Variants in VTI1A observed in about 807,000 individuals in gnomAD.
VTI1A encodes the protein vesicle transport through interaction with t-SNAREs homolog 1A.
A neutral mutation model predicts 34.9 loss-of-function variants in VTI1A; 22 were observed. That is an observed-to-expected ratio of 0.63 (90% confidence interval 0.45 to 0.90). The LOEUF (loss-of-function observed/expected upper bound fraction) is 0.90. VTI1A is among the 40% of genes least tolerant of loss of function. VTI1A has a pLI of 0.00. For missense variants in VTI1A, 268 were observed against 275.6 expected (o/e 0.97, Z 0.20); for synonymous variants, 87 against 97.3 (o/e 0.89, Z 0.62).
chr10:112,645,599 C>T (rs1019065917), intron 5 of VTI1A, among the ~76,000 whole-genome samples: 2 of 152,148 alleles, frequency 1.3e-5, no homozygotes, highest in African/African-American at 2.4e-5. Flanking sequence ...AGTGAAGAAG[C>T]CTAGGTTCTA....
chr10:112,593,987 G>A (rs532228645), intron 5 of VTI1A, among the ~76,000 whole-genome samples: 2 of 152,202 alleles, frequency 1.3e-5, no homozygotes, highest in East Asian at 3.9e-4. Context: ...TCAGCTCACT[G>A]CAAGCTCTGT....
At chr10:112,740,764 A>G (rs1444768161) in intron 7 of VTI1A, among the ~76,000 whole-genome samples, 1 of 152,244 alleles carries the variant, frequency 6.6e-6, no homozygotes, top group Non-Finnish European at 1.5e-5. Context: ...CAGTTTGGCA[A>G]TCACTTAAAA....
chr10:112,757,560 A>G (rs1851332188), intron 7 of VTI1A, among the ~76,000 whole-genome samples: 1 of 149,502 alleles, frequency 6.7e-6, no homozygotes, highest in Non-Finnish European at 1.5e-5. Flanking sequence ...AATTGTTTGT[A>G]TTTTTTGTAG....
chr10:112,635,692 A>C (rs1332285238), intron 5 of VTI1A, among the ~76,000 whole-genome samples: 1 of 152,228 alleles, frequency 6.6e-6, no homozygotes, highest in African/African-American at 2.4e-5. Context: ...AGTATGAGAG[A>C]TAATTCAAAG....
chr10:112,557,192 G>A (rs1432293728), intron 5 of VTI1A, among the ~76,000 whole-genome samples: 1 of 152,066 alleles, frequency 6.6e-6, no homozygotes, highest in East Asian at 1.9e-4. Flanking sequence ...AGGATATAAA[G>A]TTTTGATAAT....
At chr10:112,780,281 TAAATAAATAA>T in intron 7 of VTI1A, among the ~76,000 whole-genome samples, 1 of 26,834 alleles carries the variant, frequency 3.7e-5, no homozygotes, top group Non-Finnish European at 1.3e-4. Flanking sequence ...TAAAAATAAA[TAAATAAATAA>T]ATAAATAAAT....
the VTI1A span, among the ~76,000 whole-genome samples, chr10:112,834,951 T>A: frequency 3.9e-5 from 6 of 152,208 alleles, no homozygotes; most frequent in Admixed American, 3.9e-4. Flanking sequence ...GAGAGAGCCC[T>A]TCTATGTACA....
intron 7 of VTI1A, among the ~76,000 whole-genome samples, chr10:112,743,459 C>G (rs763547851): frequency 1.3e-5 from 2 of 152,196 alleles, no homozygotes; most frequent in Admixed American, 1.3e-4. Flanking sequence ...TGGTAAGGAC[C>G]GGGCTAGTCC....
chr10:112,830,636 G>A, the VTI1A span, among the ~76,000 whole-genome samples: 1 of 150,200 alleles, frequency 6.7e-6, no homozygotes, highest in Non-Finnish European at 1.5e-5. Flanking sequence ...GTGGGTGTCA[G>A]GAGCAGTACT....
At chr10:112,654,248 G>A (rs1294614474) in intron 5 of VTI1A, among the ~76,000 whole-genome samples, 1 of 152,154 alleles carries the variant, frequency 6.6e-6, no homozygotes, top group Non-Finnish European at 1.5e-5. Context: ...TTGACCAGCA[G>A]TTGCCATCTA....
intron 7 of VTI1A, among the ~76,000 whole-genome samples, chr10:112,731,385 C>T (rs188964976): frequency 1.3e-3 from 204 of 152,196 alleles, no homozygotes; most frequent in South Asian, 2.5e-3. Flanking sequence ...CCAGCCTGCC[C>T]AACATGGCGA....
At chr10:112,550,055 G>C (rs558903811) in intron 5 of VTI1A, among the ~76,000 whole-genome samples, 19 of 152,094 alleles carry the variant, frequency 1.2e-4, no homozygotes, top group African/African-American at 4.1e-4. Context: ...GAATTCATAG[G>C]GTTCATTTTT....
chr10:112,785,265 G>A (rs1266942894), intron 7 of VTI1A, among the ~76,000 whole-genome samples: 1 of 152,232 alleles, frequency 6.6e-6, no homozygotes, highest in Non-Finnish European at 1.5e-5. Context: ...CCTTCCTGAA[G>A]GCAGCCATTC....
Position 112,447,246 on chromosome 10 carries a change from G to T in VTI1A, c.-128G>T. On this transcript the variant is annotated 5_prime_UTR_variant, in exon 1 of 8. Transcript: ENST00000393077. Reference sequence around the variant, plus strand: ...CCAGGAAGCGGCTGGGTTGAGAGCTGTCCCCGGTTCTCCGTTCTGCTCTCG... The same window carrying T: ...CCAGGAAGCGGCTGGGTTGAGAGCTTTCCCCGGTTCTCCGTTCTGCTCTCG... 1.0e-6 allele frequency: 1 copy of T among 977,668 alleles called. No homozygotes were observed. Among genetic ancestry groups the T allele is most frequent in the Non-Finnish European group, 1.5e-6 (1 of 663,084 alleles). The allele number at this position is 977,668 out of a possible 1,614,324, so 60.6% of individuals were successfully genotyped here. A position where few individuals can be genotyped will look rare whatever the true frequency, so the allele number is the denominator to read the frequency against.
intron 3 of VTI1A, among the ~76,000 whole-genome samples, chr10:112,488,757 A>G (rs1848728097): frequency 6.6e-6 from 1 of 152,198 alleles, no homozygotes; most frequent in Admixed American, 6.5e-5. Context: ...TGGGTAACCA[A>G]TACTCTAGGA....
chr10:112,850,391 T>A, the VTI1A span, among the ~76,000 whole-genome samples: 1 of 149,266 alleles, frequency 6.7e-6, no homozygotes, highest in Non-Finnish European at 1.5e-5. Context: ...TGAAGCTCAA[T>A]TTCTAATTCA....
At chr10:112,493,669 A>G (rs772840166) in intron 3 of VTI1A, among the ~76,000 whole-genome samples, 4 of 152,116 alleles carry the variant, frequency 2.6e-5, no homozygotes, top group Non-Finnish European at 4.4e-5. Context: ...TTTTGAGTCT[A>G]TATTATAAAT....
At chr10:112,609,827 C>G (rs2134508268) in intron 5 of VTI1A, among the ~76,000 whole-genome samples, 1 of 152,164 alleles carries the variant, frequency 6.6e-6, no homozygotes, top group Middle Eastern at 3.4e-3. Flanking sequence ...GGTCCCAAAT[C>G]CATGTGGAAA....
At chr10:112,533,942 T>C (rs1226658316) in intron 4 of VTI1A, among the ~76,000 whole-genome samples, 1 of 152,138 alleles carries the variant, frequency 6.6e-6, no homozygotes, top group Non-Finnish European at 1.5e-5. Context: ...TGATTTACTT[T>C]ACTGTAAACT....
Sources: gnomAD v4.1 joint callset for allele counts (sites outside exome capture counted in the v4.1 genomes callset) on GRCh38, gnomAD v4.1.1 for gene constraint, MANE v1.5 for transcripts, NCBI Gene and HGNC (gene_info 2026-07-23, HGNC 2026-07-21) for gene names.